NCOA2: variants seen among roughly 807,000 people sequenced by gnomAD.
The protein encoded by NCOA2 is class E basic helix-loop-helix protein 75.
In NCOA2, 21 loss-of-function variants were observed where a neutral mutation model predicts 145.1. The observed-to-expected ratio is 0.14, with a 90% CI of 0.10 to 0.21. NCOA2 has a LOEUF of 0.21. Ranked by LOEUF, NCOA2 falls within the 10% of genes least tolerant of loss-of-function variation. The pLI, the probability that NCOA2 is intolerant of heterozygous loss-of-function variation, is 1.00. For synonymous variants in NCOA2, 619 were observed against 637.5 expected (o/e 0.97, Z 0.44); for missense variants, 1,472 against 1,837.6 (o/e 0.80, Z 3.64).
chr8:70,208,567 G>A (rs1379847587), intron 4 of NCOA2, among the ~76,000 whole-genome samples: 2 of 152,142 alleles, frequency 1.3e-5, no homozygotes, highest in Non-Finnish European at 2.9e-5. Flanking sequence ...GCCTCATTTC[G>A]AAGCTTGAAA....
At chr8:70,190,585 C>T (rs960542146) in intron 4 of NCOA2, among the ~76,000 whole-genome samples, 6 of 152,210 alleles carry the variant, frequency 3.9e-5, no homozygotes, top group Admixed American at 2.0e-4. Flanking sequence ...GGTGTGATGG[C>T]TCATGCCTGT....
rs752904941 is a variant in NCOA2 at position 70,162,736 on chromosome 8, G to A, written c.951C>T (p.Ser317=). The A allele has an allele frequency of 3.1e-6, 5 of 1,613,582 alleles. No individual in the cohort carries two copies. Among genetic ancestry groups the A allele is most frequent in the Non-Finnish European group, 4.2e-6 (5 of 1,179,756 alleles). Residue 317 remains serine (S), a synonymous_variant, in exon 9 of 23, where the codon TCC becomes TCT. Coordinates refer to ENST00000452400, the MANE Select transcript of NCOA2 (RefSeq NM_006540.4). The stretch of plus-strand genomic sequence containing the variant: ...CTTCATGATGATGCCTCTTAGCATA[G>A]GACACAGATTCTCCTTCATGCTGCG... ...FHAQHEGESV[S]YAKRHHHEVL...
At chr8:70,286,303 C>T (rs1284249115) in intron 2 of NCOA2, among the ~76,000 whole-genome samples, 3 of 152,084 alleles carry the variant, frequency 2.0e-5, no homozygotes. Context: ...ATCACCTCTG[C>T]CCAGGAGTTC....
intron 2 of NCOA2, among the ~76,000 whole-genome samples, chr8:70,279,941 G>A (rs183680509): frequency 1.3e-5 from 2 of 152,278 alleles, no homozygotes; most frequent in East Asian, 3.9e-4. Context: ...TGTAGCTTTG[G>A]ACTTCCCACT....
At chr8:70,360,942 CAAAAA>C (rs1213854420) in intron 1 of NCOA2, among the ~76,000 whole-genome samples, 1 of 55,326 alleles carries the variant, frequency 1.8e-5, no homozygotes, top group Non-Finnish European at 4.2e-5. Flanking sequence ...GATTCCAGCT[CAAAAA>C]AAAAAAAAAA....
At chr8:70,346,407 G>C (rs1425388479) in intron 1 of NCOA2, among the ~76,000 whole-genome samples, 4 of 152,200 alleles carry the variant, frequency 2.6e-5, no homozygotes, top group Non-Finnish European at 5.9e-5. Context: ...AAGGGATTCA[G>C]ATTAAGGCCT....
chr8:70,189,201 A>C (rs1413452914), intron 4 of NCOA2, among the ~76,000 whole-genome samples: 4 of 152,148 alleles, frequency 2.6e-5, no homozygotes, highest in Non-Finnish European at 5.9e-5. Flanking sequence ...GGCCAGGTTG[A>C]AGTGGCATTG....
At chr8:70,448,622 T>G in the NCOA2 span, among the ~76,000 whole-genome samples, 2 of 152,164 alleles carry the variant, frequency 1.3e-5, no homozygotes. Flanking sequence ...AACATTTTTC[T>G]TTTTTCCTTT....
At chr8:70,233,042 T>C (rs1234264387) in intron 2 of NCOA2, among the ~76,000 whole-genome samples, 1 of 152,000 alleles carries the variant, frequency 6.6e-6, no homozygotes, top group African/African-American at 2.4e-5. Context: ...CTGGCCAACA[T>C]GGTGAAATCC....
At chr8:70,285,016 A>G (rs1185878333) in intron 2 of NCOA2, among the ~76,000 whole-genome samples, 1 of 152,044 alleles carries the variant, frequency 6.6e-6, no homozygotes, top group East Asian at 1.9e-4. Flanking sequence ...GCTTTACATT[A>G]TATGCTCAAT....
intron 1 of NCOA2, among the ~76,000 whole-genome samples, chr8:70,400,591 T>C (rs1814144698): frequency 6.6e-6 from 1 of 152,196 alleles, no homozygotes; most frequent in African/African-American, 2.4e-5. Context: ...TGTCAAATTT[T>C]GAATGTTGTT....
chr8:70,138,251 G>T lies in NCOA2; in HGVS notation c.3110C>A (p.Pro1037His). Residue 1037 changes from proline to histidine, a missense_variant, in exon 15 of 23, where the codon CCT becomes CAT. Pro to His is a moderately conservative substitution (Grantham distance 77, BLOSUM62 -2). Around this residue, in one of 4 missense-constraint regions of NCOA2, gnomAD observed 953 missense variants for 1,062.1 expected, o/e 0.90. Coordinates refer to ENST00000452400, the MANE Select transcript of NCOA2 (RefSeq NM_006540.4). ...CTGGTCTATAGGCAGGATGCTTTCA[G>T]GCCATGGGGCAGTCTGATTTGGAGG... ...QAPPNQTAPW[P>H]ESILPIDQAS... 1 of 1,613,790 alleles carries T rather than the reference G, an allele frequency of 6.2e-7. No individual in the cohort carries two copies. Among genetic ancestry groups the T allele is most frequent in the Non-Finnish European group, 8.5e-7 (1 of 1,179,792 alleles).
chr8:70,158,855 A>T (rs1013676520), intron 10 of NCOA2, among the ~76,000 whole-genome samples: 6 of 152,146 alleles, frequency 3.9e-5, no homozygotes, highest in African/African-American at 7.2e-5. Context: ...CCTGCCCTGC[A>T]TTTGTTGCTA....
chr8:70,121,261 G>C, intron 22 of NCOA2, 41 bp downstream of exon 22: 1 of 1,518,790 alleles, frequency 6.6e-7, no homozygotes, highest in Non-Finnish European at 9.1e-7. Flanking sequence ...ATTCATGTTT[G>C]CTTTACTTCC....
chr8:70,121,208 T>A, intron 22 of NCOA2, 94 bp downstream of exon 22: 1 of 981,318 alleles, frequency 1.0e-6, no homozygotes, highest in East Asian at 2.6e-5. Flanking sequence ...ATCTTTAATC[T>A]ACTGGTTGAC....
At chr8:70,403,893 T>C, upstream of NCOA2, 1 of 350,622 alleles carries the variant, frequency 2.9e-6, no homozygotes, top group Non-Finnish European at 5.0e-6. Flanking sequence ...TCTCCGCACT[T>C]GCGGAGAGAC....
At chr8:70,183,051 A>G (rs1815666432) in intron 4 of NCOA2, among the ~76,000 whole-genome samples, 1 of 152,222 alleles carries the variant, frequency 6.6e-6, no homozygotes, top group Non-Finnish European at 1.5e-5. Flanking sequence ...TGGAGTACTG[A>G]GAGGTGAAGG....
At chr8:70,346,801 C>A (rs1012767971) in intron 1 of NCOA2, among the ~76,000 whole-genome samples, 1 of 152,172 alleles carries the variant, frequency 6.6e-6, no homozygotes, top group African/African-American at 2.4e-5. Context: ...TTGTAAATGA[C>A]AGAATTACTG....
intron 1 of NCOA2, among the ~76,000 whole-genome samples, chr8:70,373,339 T>G (rs953662700): frequency 3.9e-5 from 6 of 152,214 alleles, no homozygotes; most frequent in African/African-American, 1.4e-4. Context: ...TTTATGGTGT[T>G]GAATATCTTT....
Sources: allele counts gnomAD v4.1 joint callset (sites outside exome capture counted in the v4.1 genomes callset), GRCh38; gene constraint gnomAD v4.1.1; regional missense constraint gnomAD v4.1.1; transcripts MANE v1.5; gene names NCBI Gene and HGNC (gene_info 2026-07-23, HGNC 2026-07-21).